Variants in KANSL3 observed in about 807,000 individuals in gnomAD.
KANSL3 encodes the protein NSL complex protein NSL3.
A neutral mutation model predicts 89.2 loss-of-function variants in KANSL3; 16 were observed. The ratio of observed to expected loss-of-function variants is 0.18; its 90% CI spans 0.12 to 0.27. The LOEUF is 0.27. Ranked by LOEUF, KANSL3 falls within the 10% of genes least tolerant of loss-of-function variation. The pLI, the probability that KANSL3 is intolerant of heterozygous loss-of-function variation, is 1.00. For missense variants in KANSL3, 879 were observed against 1,110.6 expected (o/e 0.79, Z 2.96); for synonymous variants, 385 against 419.7 (o/e 0.92, Z 1.01).
rs1244422233 is a variant in KANSL3, at chr2:96,608,514, C to T, written c.1735G>A (p.Ala579Thr). The stretch of plus-strand genomic sequence containing the variant: ...ACTGGCCAAGTGCCTATACCTTGAG[C>T]TTGTTTGTGGGTCAGCACAGCTTCT... ...RTEAVLTHKQAQVPISSEPPE... is the reference protein window; with the variant it reads ...RTEAVLTHKQTQVPISSEPPE... The change falls in exon 14 of 21, where the codon GCT becomes ACT. Residue 579 changes from alanine (A) to threonine (T), a missense_variant. Ala to Thr is a moderately conservative substitution (Grantham distance 58, BLOSUM62 0). Around this residue, in one of 6 missense-constraint regions of KANSL3, gnomAD observed 317 missense variants for 311.2 expected, o/e 1.02. Transcript: ENST00000431828. 5.6e-6 allele frequency: 9 copies of T among 1,613,996 alleles called. No homozygotes were observed. Among genetic ancestry groups the T allele is most frequent in the Non-Finnish European group, 7.6e-6 (9 of 1,179,888 alleles).
At chr2:96,628,204 C>A in intron 3 of KANSL3, 1 of 1,261,800 alleles carries the variant, frequency 7.9e-7, no homozygotes, top group South Asian at 1.3e-5. Context: ...ATGTGTACAT[C>A]CAGCTATTCT....
In KANSL3 at chr2:96,612,864, G is replaced by A; in HGVS notation, c.866C>T (p.Ser289Leu). The change falls in exon 7 of 21, where the codon TCA (serine) becomes TTA (leucine). Residue 289 changes from serine to leucine, a missense_variant. Ser to Leu is a moderately radical substitution (Grantham distance 145, BLOSUM62 -2). Coordinates refer to ENST00000431828, the MANE Select transcript of KANSL3 (RefSeq NM_001115016.3). ...SGPSSSVFPT[S>L]RRHRFWQSQL... ...AGATTGCCAGAAGCGGTGGCGGCGT[G>A]AAGTGGGAAACACAGAGCTGGAGGG... 2 of 1,572,474 alleles carry A rather than the reference G, an allele frequency of 1.3e-6. No individual in the cohort carries two copies. The highest frequency in any genetic ancestry group is 1.7e-6 in the Non-Finnish European group (2 of 1,159,134).
chr2:96,602,939 C>A, intron 17 of KANSL3, 77 bp from the exon 18 acceptor site: 2 of 1,355,362 alleles, frequency 1.5e-6, no homozygotes, highest in Non-Finnish European at 2.1e-6. Context: ...TCCATCCACC[C>A]TCACCACCAA....
At position 96,635,611 on chromosome 2, in the gene KANSL3, T is replaced by G. The variant is rs148497507; in HGVS notation, c.215+1310A>C. On this transcript the variant is annotated intron_variant, in intron 2 of 20. Coordinates refer to ENST00000431828, the MANE Select transcript of KANSL3 (RefSeq NM_001115016.3). ...TAAATTATTGCCTAAAGTTACAGATTTTATCTCCTGTACACCAAAAAAGCC... is the reference window on the plus strand; with the variant it reads ...TAAATTATTGCCTAAAGTTACAGATGTTATCTCCTGTACACCAAAAAAGCC... 2.4e-4 allele frequency among the ~76,000 whole-genome samples: 37 copies of G among 152,298 alleles called. No homozygotes were observed. In the East Asian group the frequency reaches 6.7e-3, roughly 28 times the overall value.
At chr2:96,601,457 A>C in intron 20 of KANSL3, 186 bp downstream of exon 20, 1 of 1,372,692 alleles carries the variant, frequency 7.3e-7, no homozygotes, top group Non-Finnish European at 9.4e-7. Flanking sequence ...GATGTAGAAG[A>C]GGAAGCTCAA....
Position 96,637,028 on chromosome 2 carries a change from A to G in KANSL3, c.108T>C (p.Phe36=), listed in dbSNP as rs1280941890. The G allele has an allele frequency of 1.7e-5, 27 of 1,551,680 alleles. No individual in the cohort carries two copies. The highest frequency in any genetic ancestry group is 2.4e-5 in the Non-Finnish European group (27 of 1,146,988). Residue 36 remains phenylalanine, a synonymous_variant, in exon 2 of 21, where the codon TTT becomes TTC. Transcript: ENST00000431828. ...AAGGCTTGGCATAGCTATGATCCAG[A>G]AAAACCAGGTCCAGCTCCCGTTCAT... ...SVHERELDLV[F]LDHSYAKPWS...
intron 9 of KANSL3, among the ~76,000 whole-genome samples, chr2:96,611,484 C>A (rs1341927594): frequency 6.6e-6 from 1 of 152,188 alleles, no homozygotes; most frequent in Admixed American, 6.5e-5. Context: ...CAAGAGAACA[C>A]AATGTTGCCA....
chr2:96,628,024 T>C, intron 3 of KANSL3: 1 of 1,290,354 alleles, frequency 7.7e-7, no homozygotes, highest in Non-Finnish European at 1.0e-6. Flanking sequence ...CTTTAATGGA[T>C]TACATCAATC....
intron 20 of KANSL3, among the ~76,000 whole-genome samples, chr2:96,598,865 G>A (rs954974667): frequency 1.2e-4 from 16 of 134,874 alleles, no homozygotes; most frequent in Admixed American, 4.1e-4. Context: ...AGCTGAGATC[G>A]TGCCACTGCA....
At position 96,605,250 on chromosome 2, in the gene KANSL3, G is replaced by T. The variant is rs1373465912; in HGVS notation, c.1933+70C>A. On this transcript the variant is annotated intron_variant, in intron 15 of 20. Transcript: ENST00000431828. ...AGCAAAGGCTGACATGCTGGTGAAT[G>T]GCCACCAAAGGGCAATGCTGTGTAC... 13 of 1,322,480 alleles carry T rather than the reference G, an allele frequency of 9.8e-6. No homozygotes were observed. In the East Asian group the frequency reaches 3.0e-4, roughly 31 times the overall value. The allele number at this position is 1,322,480 out of a possible 1,614,324, so 81.9% of individuals were successfully genotyped here. A position where few individuals can be genotyped will look rare whatever the true frequency, so the allele number is the denominator to read the frequency against.
intron 3 of KANSL3, among the ~76,000 whole-genome samples, chr2:96,627,666 G>A (rs1032542748): frequency 5.3e-5 from 8 of 152,040 alleles, no homozygotes; most frequent in Non-Finnish European, 7.4e-5. Flanking sequence ...CTAGGGAGCC[G>A]ACCTACACCG....
intron 3 of KANSL3, among the ~76,000 whole-genome samples, chr2:96,625,259 T>G (rs1023440253): frequency 6.6e-6 from 1 of 152,172 alleles, no homozygotes; most frequent in African/African-American, 2.4e-5. Flanking sequence ...TTCCAGTTCT[T>G]TGAAAGTAAT....
downstream of KANSL3, among the ~76,000 whole-genome samples, chr2:96,592,144 G>C (rs545158632): frequency 3.9e-5 from 6 of 152,046 alleles, no homozygotes; most frequent in East Asian, 1.2e-3. Flanking sequence ...GAGTTTGAGG[G>C]AGAAGACAGC....
At chr2:96,605,252 C>G (rs1190713672) in intron 15 of KANSL3, 68 bp downstream of exon 15, 2 of 1,359,404 alleles carry the variant, frequency 1.5e-6, no homozygotes, top group African/African-American at 2.9e-5. Flanking sequence ...TGGTGAATGG[C>G]CACCAAAGGG....
downstream of KANSL3, among the ~76,000 whole-genome samples, chr2:96,588,734 GCGC>G (rs769712768): frequency 1.9e-3 from 289 of 152,094 alleles, no homozygotes; most frequent in Non-Finnish European, 3.0e-3. Flanking sequence ...GGGATTACAG[GCGC>G]CCACCACCAC....
chr2:96,607,271 T>C (rs1413870251), intron 14 of KANSL3, among the ~76,000 whole-genome samples: 1 of 152,090 alleles, frequency 6.6e-6, no homozygotes, highest in East Asian at 1.9e-4. Context: ...ACTACAGCAA[T>C]GCGAGTGCCA....
chr2:96,628,151 G>A, intron 3 of KANSL3: 15 of 1,289,592 alleles, frequency 1.2e-5, no homozygotes, highest in Non-Finnish European at 1.4e-5. Flanking sequence ...AGGAGAAGGT[G>A]CACACTGGCC....
chr2:96,618,241 G>A (rs2070589500), intron 5 of KANSL3, among the ~76,000 whole-genome samples: 2 of 151,862 alleles, frequency 1.3e-5, no homozygotes, highest in South Asian at 4.2e-4. Flanking sequence ...TAGAGACAGG[G>A]ACTCCCTCTG....
Position 96,608,586 on chromosome 2 carries a change from T to C in KANSL3, c.1663A>G (p.Ser555Gly), listed in dbSNP as rs373223845. 1.4e-5 allele frequency: 23 copies of C among 1,613,888 alleles called. No individual in the cohort carries two copies. The highest frequency in any genetic ancestry group is 5.0e-5 in the Admixed American group (3 of 60,012). Residue 555 changes from serine (S) to glycine (G), a missense_variant, in exon 14 of 21, where the codon AGT becomes GGT. Ser to Gly is a moderately conservative substitution (Grantham distance 56). Around this residue, in one of 6 missense-constraint regions of KANSL3, gnomAD observed 317 missense variants for 311.2 expected, o/e 1.02. Transcript: ENST00000431828. ...VTTVTSAQKS[S>G]QIGSSQLLKR... ...AGCAGCTGAGAACTTCCAATCTGAC[T>C]GGACTTCTGGGCAGAGGTCACTGTG...
Sources: gnomAD v4.1 joint callset for allele counts (sites outside exome capture counted in the v4.1 genomes callset) on GRCh38, gnomAD v4.1.1 for gene constraint, gnomAD v4.1.1 regional missense constraint, MANE v1.5 for transcripts, NCBI Gene and HGNC (gene_info 2026-07-23, HGNC 2026-07-21) for gene names.